BCAR1: variants seen among roughly 807,000 people sequenced by gnomAD.
BCAR1 encodes BCAR1 scaffold protein, Cas family member.
A neutral mutation model predicts 67.6 loss-of-function variants in BCAR1; 30 were observed. That is an observed-to-expected ratio of 0.44 (90% confidence interval 0.33 to 0.60). The LOEUF (loss-of-function observed/expected upper bound fraction) is 0.60. Ranked by LOEUF, BCAR1 falls within the 20% of genes least tolerant of loss-of-function variation. The pLI is 0.02. For synonymous variants in BCAR1, 626 were observed against 556.7 expected (o/e 1.12, Z -1.75); for missense variants, 1,313 against 1,222.3 (o/e 1.07, Z -1.11).
chr16:75,263,158 TGGAG>T, intron 1 of BCAR1: 1 of 964,202 alleles, frequency 1.0e-6, no homozygotes, highest in Middle Eastern at 5.4e-4. Flanking sequence ...CAGGAGGAGC[TGGAG>T]TGGCCACACT....
chr16:75,266,121 C>T, intron 1 of BCAR1: 1 of 813,922 alleles, frequency 1.2e-6, no homozygotes, highest in Non-Finnish European at 1.5e-6. Flanking sequence ...GGCGCGGTCT[C>T]CTCCGCTCCT....
At chr16:75,263,937 A>G in intron 1 of BCAR1, 1 of 1,100,344 alleles carries the variant, frequency 9.1e-7, no homozygotes. Flanking sequence ...CCAAGGTCCC[A>G]GGAGAGAGAG....
chr16:75,233,281 G>C (rs756325795), intron 6 of BCAR1, among the ~76,000 whole-genome samples: 1 of 152,048 alleles, frequency 6.6e-6, no homozygotes, highest in Non-Finnish European at 1.5e-5. Flanking sequence ...GCTGAGGCAG[G>C]AGAATCGCTT....
At chr16:75,267,791 T>C (rs1176016023) in intron 1 of BCAR1, 1 of 1,022,124 alleles carries the variant, frequency 9.8e-7, no homozygotes, top group African/African-American at 1.6e-5. Context: ...GGGGCGCAGA[T>C]GGAGCTGGAC....
At chr16:75,244,898 G>A (rs950633276) in intron 1 of BCAR1, among the ~76,000 whole-genome samples, 2 of 152,250 alleles carry the variant, frequency 1.3e-5, no homozygotes, top group African/African-American at 2.4e-5. Context: ...GTAAAGACAA[G>A]AGAGGGTCAG....
At chr16:75,231,417 A>G (rs527728186) in intron 6 of BCAR1, among the ~76,000 whole-genome samples, 1 of 152,324 alleles carries the variant, frequency 6.6e-6, no homozygotes, top group African/African-American at 2.4e-5. Flanking sequence ...TCATAGTTAT[A>G]TAATATCCCA....
rs1454371586 is a variant in BCAR1 at position 75,264,664 on chromosome 16, A to G, written c.66+3251T>C. The stretch of plus-strand genomic sequence containing the variant: ...CGGGCTCTTTAATTCCACAATAACA[A>G]TGCTTTGCACTTGGCCAGCTTCCCT... On this transcript the variant is annotated intron_variant, in intron 1 of 6. Transcript: ENST00000393422. 6.4e-6 allele frequency: 8 copies of G among 1,248,962 alleles called. No homozygotes were observed. The East Asian group carries it at 1.5e-4, about 24-fold the overall frequency. The allele number at this position is 1,248,962 out of a possible 1,614,324, so 77.4% of individuals were successfully genotyped here.
At chr16:75,265,479 G>C (rs74660205) in intron 1 of BCAR1, among the ~76,000 whole-genome samples, 1 of 152,142 alleles carries the variant, frequency 6.6e-6, no homozygotes, top group Non-Finnish European at 1.5e-5. Flanking sequence ...CCTGGTGCGG[G>C]GTCCTGGCGG....
upstream of BCAR1, chr16:75,251,737 G>C: frequency 1.0e-6 from 1 of 967,352 alleles, no homozygotes. Flanking sequence ...CCGCCTGTCG[G>C]GGGCGCGGGC....
chr16:75,238,932 A>G, intron 2 of BCAR1: 4 of 985,380 alleles, frequency 4.1e-6, no homozygotes, highest in Non-Finnish European at 4.8e-6. Flanking sequence ...GCCAGGACCC[A>G]GCACCAGCAG....
At chr16:75,247,278 AGAG>A (rs1458941547) in intron 1 of BCAR1, 2 of 152,714 alleles carry the variant, frequency 1.3e-5, no homozygotes, top group African/African-American at 4.8e-5. Context: ...GGGCAGGGCC[AGAG>A]GAGGAGAGCC....
chr16:75,238,156 C>T (rs2077209113), intron 2 of BCAR1: 1 of 1,276,228 alleles, frequency 7.8e-7, no homozygotes, highest in Admixed American at 2.4e-5. Context: ...GCACAATGGC[C>T]TGCCCAGGGC....
At position 75,234,985 on chromosome 16, in the gene BCAR1, G is replaced by A; in HGVS notation, c.1914C>T (p.Pro638=). 1.9e-6 allele frequency: 3 copies of A among 1,608,446 alleles called. No individual in the cohort carries two copies. The highest frequency in any genetic ancestry group is 2.6e-6 in the Non-Finnish European group (3 of 1,176,010). ...CCTGGGAGGTGAACTTAGGGGGTGA[G>A]GGCAGGGGTCGTGACTGGATGCTGC... ...KTSSIQSRPL[P]SPPKFTSQDS... Residue 638 remains proline, a synonymous_variant, in exon 5 of 7, where the codon CCC becomes CCT. Transcript: ENST00000162330.
At chr16:75,233,503 C>T (rs998687324) in intron 6 of BCAR1, among the ~76,000 whole-genome samples, 8 of 152,336 alleles carry the variant, frequency 5.3e-5, no homozygotes, top group Non-Finnish European at 1.2e-4. Flanking sequence ...CGAATGCCCA[C>T]AGGACACCAT....
intron 2 of BCAR1, among the ~76,000 whole-genome samples, chr16:75,241,175 G>C (rs1450639377): frequency 7.9e-5 from 12 of 152,222 alleles, no homozygotes; most frequent in Admixed American, 3.9e-4. Flanking sequence ...ATGCACGTGT[G>C]TTTACACATA....
upstream of BCAR1, among the ~76,000 whole-genome samples, chr16:75,255,727 C>T (rs1205745600): frequency 6.6e-6 from 1 of 151,434 alleles, no homozygotes; most frequent in African/African-American, 2.4e-5. Flanking sequence ...CACAGTGGCT[C>T]ACGCCTGTAA....
At chr16:75,239,816 G>A (rs887930588) in intron 2 of BCAR1, among the ~76,000 whole-genome samples, 1 of 152,206 alleles carries the variant, frequency 6.6e-6, no homozygotes, top group African/African-American at 2.4e-5. Flanking sequence ...TGAGGTCCCA[G>A]CACAGGGGAG....
intron 1 of BCAR1, chr16:75,265,241 C>G (rs1490878626): frequency 6.6e-6 from 1 of 152,390 alleles, no homozygotes; most frequent in Non-Finnish European, 1.5e-5. Flanking sequence ...GGAGGGCAGG[C>G]ACGGCTCCCA....
chr16:75,259,950 T>TG (rs1169811577), intron 1 of BCAR1, among the ~76,000 whole-genome samples: 1 of 152,030 alleles, frequency 6.6e-6, no homozygotes, highest in East Asian at 1.9e-4. Context: ...TCCTGGCACT[T>TG]TGGGAGGCCA....
Sources: gnomAD v4.1 joint callset for allele counts (sites outside exome capture counted in the v4.1 genomes callset) on GRCh38, gnomAD v4.1.1 for gene constraint, MANE v1.5 for transcripts, NCBI Gene and HGNC (gene_info 2026-07-23, HGNC 2026-07-21) for gene names.